Variants in COG2 observed in about 807,000 individuals in gnomAD.
COG2 encodes the protein conserved oligomeric Golgi complex subunit 2.
In COG2, 52 loss-of-function variants were observed where a neutral mutation model predicts 90.6. That is an observed-to-expected ratio of 0.57 (90% CI 0.46 to 0.72). The LOEUF (loss-of-function observed/expected upper bound fraction) is 0.72, where lower values mean the gene tolerates loss of function less well. COG2 is among the 30% of genes least tolerant of loss of function. The pLI is 0.00. For synonymous variants in COG2, 337 were observed against 320.4 expected (o/e 1.05, Z -0.55); for missense variants, 829 against 891.2 (o/e 0.93, Z 0.89).
intron 1 of COG2, among the ~76,000 whole-genome samples, chr1:230,650,666 T>A (rs922383070): frequency 8.5e-5 from 13 of 152,178 alleles, no homozygotes; most frequent in African/African-American, 3.1e-4. Flanking sequence ...TTTACACTGC[T>A]ATTTCTTTTG....
At chr1:230,663,777 T>C (rs1021372569) in intron 4 of COG2, among the ~76,000 whole-genome samples, 5 of 152,230 alleles carry the variant, frequency 3.3e-5, no homozygotes, top group African/African-American at 4.8e-5. Flanking sequence ...GCACTTAACG[T>C]TTATTGGTAT....
chr1:230,691,051 A>G (rs932593623), intron 16 of COG2, among the ~76,000 whole-genome samples: 4 of 152,212 alleles, frequency 2.6e-5, no homozygotes, highest in African/African-American at 9.7e-5. Context: ...CATGAAAGAC[A>G]AAATTGGTCT....
At chr1:230,686,892 C>A in intron 12 of COG2, 43 bp from the exon 13 acceptor site, 1 of 1,278,466 alleles carries the variant, frequency 7.8e-7, no homozygotes, top group Non-Finnish European at 1.1e-6. Flanking sequence ...GCTCATGTAT[C>A]TTGCTAGTGT....
rs1243728306 is a variant in COG2, at chr1:230,671,633, A to G, written c.892A>G (p.Ile298Val). The G allele has an allele frequency of 1.2e-6, 2 of 1,613,500 alleles. No individual in the cohort carries two copies. The highest frequency in any genetic ancestry group is 1.7e-6 in the Non-Finnish European group (2 of 1,179,650). Residue 298 changes from isoleucine (I) to valine (V), a missense_variant, in exon 8 of 18, where the codon ATC becomes GTC. Transcript: ENST00000366669. ...RLLREVTGGAISSEKGNTVPG... is the reference protein window; with the variant it reads ...RLLREVTGGAVSSEKGNTVPG... ...TCTTCGAGAAGTCACAGGAGGTGCCATCTCCAGGTAATTTAAACAACCCTG... is the reference window on the plus strand; with the variant it reads ...TCTTCGAGAAGTCACAGGAGGTGCCGTCTCCAGGTAATTTAAACAACCCTG...
intron 3 of COG2, 45 bp from the exon 4 acceptor site, chr1:230,663,096 T>C: frequency 2.7e-6 from 4 of 1,494,352 alleles, no homozygotes; most frequent in Non-Finnish European, 3.6e-6. Context: ...TTTCATAATG[T>C]TACAAAACAA....
intron 4 of COG2, among the ~76,000 whole-genome samples, chr1:230,663,856 A>G (rs1361485715): frequency 6.6e-6 from 1 of 152,200 alleles, no homozygotes; most frequent in African/African-American, 2.4e-5. Flanking sequence ...GGACCTTACG[A>G]ACATAAATGT....
intron 1 of COG2, among the ~76,000 whole-genome samples, chr1:230,647,964 A>C (rs1661831252): frequency 6.6e-6 from 1 of 152,260 alleles, no homozygotes; most frequent in African/African-American, 2.4e-5. Flanking sequence ...ACTGAGGTCC[A>C]GAGATGTTGT....
At position 230,675,095 on chromosome 1, in the gene COG2, A is replaced by G. The variant is rs1440326450; in HGVS notation, c.997A>G (p.Asn333Asp). Residue 333 changes from asparagine (N) to aspartate (D), a missense_variant, in exon 9 of 18, where the codon AAT (asparagine) becomes GAT (aspartate). Coordinates refer to ENST00000366669, the MANE Select transcript of COG2 (RefSeq NM_007357.3). ...AGAAGAAAAGTTACCCTCGCTTTTT[A>G]ATCCTGGGAATCCCGATGCATTTCA... ...GLEEKLPSLFNPGNPDAFHEK... is the reference protein window; with the variant it reads ...GLEEKLPSLFDPGNPDAFHEK... 5.6e-6 allele frequency: 9 copies of G among 1,612,346 alleles called. No individual in the cohort carries two copies. The highest frequency in any genetic ancestry group is 7.6e-6 in the Non-Finnish European group (9 of 1,179,218).
At position 230,671,635 on chromosome 1, in the gene COG2, C is replaced by A. The variant is rs1278637938; in HGVS notation, c.894C>A (p.Ile298=). 2 of 1,613,560 alleles carry A rather than the reference C, an allele frequency of 1.2e-6. No homozygotes were observed. The highest frequency in any genetic ancestry group is 1.7e-6 in the Non-Finnish European group (2 of 1,179,678). The change falls in exon 8 of 18, where the codon ATC becomes ATA. Residue 298 remains isoleucine, a synonymous_variant. Transcript: ENST00000366669. Reference sequence around the variant, plus strand: ...TTCGAGAAGTCACAGGAGGTGCCATCTCCAGGTAATTTAAACAACCCTGTG... The same window carrying A: ...TTCGAGAAGTCACAGGAGGTGCCATATCCAGGTAATTTAAACAACCCTGTG... ...RLLREVTGGA[I]SSEKGNTVPG...
At chr1:230,671,752 C>A (rs1662455426) in intron 8 of COG2, 112 bp downstream of exon 8, 2 of 948,364 alleles carry the variant, frequency 2.1e-6, no homozygotes, top group East Asian at 5.2e-5. Flanking sequence ...TTGTATGAAT[C>A]CATTATGAAT....
At chr1:230,660,439 G>C (rs1662154521) in intron 2 of COG2, among the ~76,000 whole-genome samples, 1 of 152,082 alleles carries the variant, frequency 6.6e-6, no homozygotes, top group Admixed American at 6.6e-5. Context: ...CAGACAGATA[G>C]CTCTTTATCT....
chr1:230,687,085 A>T lies in COG2; in HGVS notation c.1531A>T (p.Thr511Ser), dbSNP rs1225271276. 6.2e-7 allele frequency: 1 copy of T among 1,613,448 alleles called. No individual in the cohort carries two copies. Among genetic ancestry groups the T allele is most frequent in the South Asian group, 1.1e-5 (1 of 90,884 alleles). ...ETKPVVSISR[T>S]QLVYVVADLD... is the part of the protein sequence containing the mutation. ...AAAGCCTGTGGTTTCCATTTCCCGC[A>T]CTCAGCTCGTGTATGTGGTTGCAGA... The change falls in exon 13 of 18, where the codon ACT becomes TCT. Residue 511 changes from threonine to serine, a missense_variant. Coordinates refer to ENST00000366669, the MANE Select transcript of COG2 (RefSeq NM_007357.3).
chr1:230,676,290 TTC>T (rs2102763699), intron 9 of COG2, among the ~76,000 whole-genome samples: 1 of 152,298 alleles, frequency 6.6e-6, no homozygotes, highest in Admixed American at 6.5e-5. Flanking sequence ...TTTCACCTTC[TTC>T]GTATTTTAGA....
At chr1:230,689,150 G>A (rs1011784881) in intron 15 of COG2, among the ~76,000 whole-genome samples, 10 of 151,852 alleles carry the variant, frequency 6.6e-5, no homozygotes, top group African/African-American at 2.4e-4. Flanking sequence ...GGGCAATGTC[G>A]TGACATCCAG....
At chr1:230,693,172 A>G (rs1663078253) in intron 17 of COG2, 120 bp from the exon 18 acceptor site, 2 of 603,056 alleles carry the variant, frequency 3.3e-6, no homozygotes, top group African/African-American at 1.9e-5. Flanking sequence ...AAAATATCCT[A>G]CAAGTCTTCA....
chr1:230,643,650 A>G (rs554708358), intron 1 of COG2, among the ~76,000 whole-genome samples: 38 of 152,078 alleles, frequency 2.5e-4, no homozygotes, highest in Admixed American at 9.8e-4. Context: ...TACATCTCCA[A>G]AGCTGTTTTT....
At chr1:230,675,233 AT>A in intron 9 of COG2, 109 bp downstream of exon 9, 1 of 1,305,406 alleles carries the variant, frequency 7.7e-7, no homozygotes, top group Non-Finnish European at 1.0e-6. Context: ...AAAAATAAAA[AT>A]TTGAGTTGCT....
chr1:230,678,108 T>C (rs1397911814), intron 9 of COG2: 16 of 985,316 alleles, frequency 1.6e-5, no homozygotes, highest in East Asian at 1.1e-4. Context: ...CCCCTTTTAA[T>C]TGAGAAGAAC....
chr1:230,685,386 GTGTC>G (rs1662863141), intron 12 of COG2, 150 bp downstream of exon 12: 2 of 735,232 alleles, frequency 2.7e-6, no homozygotes, highest in Non-Finnish European at 4.3e-6. Context: ...CTCCAGCTCT[GTGTC>G]TGTGTTTCAT....
Sources: gnomAD v4.1 joint callset for allele counts (sites outside exome capture counted in the v4.1 genomes callset) on GRCh38, gnomAD v4.1.1 for gene constraint, MANE v1.5 for transcripts, NCBI Gene and HGNC (gene_info 2026-07-23, HGNC 2026-07-21) for gene names.